ATL2: variants seen among roughly 807,000 people sequenced by gnomAD.
The protein encoded by ATL2 is atlastin GTPase 2, also known as atlastin-2.
ATL2 carries 31 observed loss-of-function variants against 73.9 expected under a neutral mutation model. The observed-to-expected ratio is 0.42, with a 90% CI of 0.32 to 0.57. ATL2 has a LOEUF of 0.57. Ranked by LOEUF, ATL2 falls within the 20% of genes least tolerant of loss-of-function variation. ATL2 has a pLI of 0.14. For missense variants in ATL2, 738 were observed against 702.6 expected, an observed-to-expected ratio of 1.05 and a Z score of -0.57; for synonymous variants, 291 against 237.5, an observed-to-expected ratio of 1.23 and a Z score of -2.07.
chr2:38,318,766 CATA>C, intron 3 of ATL2, 116 bp downstream of exon 3: 1 of 1,337,894 alleles, frequency 7.5e-7, no homozygotes, highest in Non-Finnish European at 1.0e-6. Flanking sequence ...ATACATTTGA[CATA>C]ATAATCCGTA....
intron 1 of ATL2, among the ~76,000 whole-genome samples, chr2:38,364,671 C>T (rs187518834): frequency 2.6e-5 from 4 of 152,172 alleles, no homozygotes; most frequent in Non-Finnish European, 4.4e-5. Flanking sequence ...TTGTAGCACA[C>T]GGATCAAGAA....
intron 2 of ATL2, among the ~76,000 whole-genome samples, chr2:38,321,777 A>G (rs1668334927): frequency 6.6e-6 from 1 of 152,010 alleles, no homozygotes. Flanking sequence ...CAGTGGCACA[A>G]TCAGAACTCA....
chr2:38,330,434 G>A (rs889457723), intron 2 of ATL2, among the ~76,000 whole-genome samples: 1 of 152,058 alleles, frequency 6.6e-6, no homozygotes, highest in Non-Finnish European at 1.5e-5. Context: ...AGAAATAAAA[G>A]GTTCCCAGGT....
At chr2:38,372,881 T>C (rs769043000) in intron 1 of ATL2, among the ~76,000 whole-genome samples, 2 of 152,186 alleles carry the variant, frequency 1.3e-5, no homozygotes, top group Non-Finnish European at 2.9e-5. Flanking sequence ...CAGCTAAAAT[T>C]TAAAACTTGC....
rs60173549 is a variant in ATL2, at chr2:38,294,654, G to C, written c.*1340C>G. Among the ~76,000 whole-genome samples the C allele has an allele frequency of 6.9e-6, 1 of 145,922 alleles. No individual in the cohort carries two copies. The highest frequency in any genetic ancestry group is 1.5e-5 in the Non-Finnish European group (1 of 66,054). On this transcript the variant is annotated 3_prime_UTR_variant, in exon 13 of 13. Transcript: ENST00000378954. Reference sequence around the variant, plus strand: ...ACATATACCACCAAAAAAAAAAAAAGAGAGAGAAAGAAATTAACAATCCCC... The same window carrying C: ...ACATATACCACCAAAAAAAAAAAAACAGAGAGAAAGAAATTAACAATCCCC...
Position 38,299,377 on chromosome 2 carries a change from A to C in ATL2, c.1129-50T>G, listed in dbSNP as rs368201233. The C allele has an allele frequency of 6.2e-5, 92 of 1,485,198 alleles. No homozygotes were observed. The African/African-American group carries it at 6.7e-4, about 11-fold the overall frequency. 92.0% of individuals were successfully genotyped at this position (1,485,198 alleles called of 1,614,324 possible). ...TATGCAAAAAATACTCTATGACTCTAAAAATTCTGATTAACACAATAAGTT... is the reference window on the plus strand; with the variant it reads ...TATGCAAAAAATACTCTATGACTCTCAAAATTCTGATTAACACAATAAGTT... On this transcript the variant is annotated intron_variant, in intron 10 of 12. Transcript: ENST00000378954.
At chr2:38,372,121 T>C (rs1052759386) in intron 1 of ATL2, among the ~76,000 whole-genome samples, 11 of 115,242 alleles carry the variant, frequency 9.5e-5, no homozygotes, top group African/African-American at 2.3e-4. Context: ...TTCATGTTAA[T>C]TGTTTTTTTT....
At chr2:38,322,265 G>C (rs1014278024) in intron 2 of ATL2, among the ~76,000 whole-genome samples, 1 of 151,656 alleles carries the variant, frequency 6.6e-6, no homozygotes, top group Non-Finnish European at 1.5e-5. Flanking sequence ...ATTCCTCTAA[G>C]AGAACTCTGG....
rs114867851 is a variant in ATL2, at chr2:38,335,344, G to A, written c.363+7924C>T. 1.6e-3 allele frequency among the ~76,000 whole-genome samples: 247 copies of A among 152,244 alleles called. 1 individual carries two copies. The highest frequency in any genetic ancestry group is 5.6e-3 in the African/African-American group (231 of 41,540). On this transcript the variant is annotated intron_variant, in intron 2 of 12. Coordinates refer to ENST00000378954, the MANE Select transcript of ATL2 (RefSeq NM_001135673.4). Reference sequence around the variant, plus strand: ...ACAGAAAAAAACTAGAAACCCATATGTCTATCAGTAGAAAGGGTAAATTAT... The same window carrying A: ...ACAGAAAAAAACTAGAAACCCATATATCTATCAGTAGAAAGGGTAAATTAT...
At chr2:38,320,525 T>C (rs915162939) in intron 2 of ATL2, among the ~76,000 whole-genome samples, 7 of 152,198 alleles carry the variant, frequency 4.6e-5, no homozygotes, top group Non-Finnish European at 8.8e-5. Context: ...ACCACAGGGC[T>C]AAATTGTTAT....
rs1669214181 is a variant in ATL2 at position 38,334,856 on chromosome 2, T to TATA, written c.363+8411_363+8412insTAT. On this transcript the variant is annotated intron_variant, in intron 2 of 12. Coordinates refer to ENST00000378954, the MANE Select transcript of ATL2 (RefSeq NM_001135673.4). Reference sequence around the variant, plus strand: ...TTATAGTTATAATTTATATTCAATATTTATATATTATATAATATATATTAT... The same window carrying TATA: ...TTATAGTTATAATTTATATTCAATATATATTATATATTATATAATATATATTAT... Among the ~76,000 whole-genome samples the TATA allele has an allele frequency of 1.1e-4, 5 of 44,130 alleles. No individual in the cohort carries two copies. The East Asian group carries it at 6.6e-3, about 58-fold the overall frequency. The allele number at this position is 44,130 out of a possible 152,430, so 29.0% of individuals were successfully genotyped here. A position where few individuals can be genotyped will look rare whatever the true frequency, so the allele number is the denominator to read the frequency against.
rs1668586647 is a variant in ATL2, at chr2:38,325,687, C to T, written c.364-6668G>A. ...ACACACACACACACACACACACACA[C>T]ACACACACCAGTACACACACACACA... On this transcript the variant is annotated intron_variant, in intron 2 of 12. Coordinates refer to ENST00000378954, the MANE Select transcript of ATL2 (RefSeq NM_001135673.4). Among the ~76,000 whole-genome samples the T allele has an allele frequency of 7.9e-5, 6 of 75,582 alleles. 1 individual carries two copies. The highest frequency in any genetic ancestry group is 6.6e-5 in the Non-Finnish European group (3 of 45,560). The allele number at this position is 75,582 out of a possible 152,430, so 49.6% of individuals were successfully genotyped here. A position where few individuals can be genotyped will look rare whatever the true frequency, so the allele number is the denominator to read the frequency against.
chr2:38,329,110 A>G (rs1668831110), intron 2 of ATL2, among the ~76,000 whole-genome samples: 1 of 150,142 alleles, frequency 6.7e-6, no homozygotes, highest in South Asian at 2.1e-4. Context: ...CACAAGGAGA[A>G]CTAGATCATC....
At chr2:38,375,769 C>T (rs1044892434) in intron 1 of ATL2, among the ~76,000 whole-genome samples, 1 of 152,172 alleles carries the variant, frequency 6.6e-6, no homozygotes, top group African/African-American at 2.4e-5. Flanking sequence ...ACATCTAAGG[C>T]GAAGCTGCTT....
chr2:38,324,912 A>T (rs1420867525), intron 2 of ATL2, among the ~76,000 whole-genome samples: 1 of 152,226 alleles, frequency 6.6e-6, no homozygotes, highest in African/African-American at 2.4e-5. Context: ...TTTAATGGGC[A>T]CAGAGCTTCA....
intron 2 of ATL2, among the ~76,000 whole-genome samples, chr2:38,328,138 A>C (rs1463518704): frequency 6.6e-6 from 1 of 152,202 alleles, no homozygotes; most frequent in African/African-American, 2.4e-5. Flanking sequence ...GGAAACATAA[A>C]AACCACTTCA....
At chr2:38,308,892 C>T (rs904331627) in intron 9 of ATL2, among the ~76,000 whole-genome samples, 1 of 151,506 alleles carries the variant, frequency 6.6e-6, no homozygotes, top group Non-Finnish European at 1.5e-5. Flanking sequence ...CCTTCCACAG[C>T]GGTCTTGTTC....
intron 1 of ATL2, chr2:38,354,218 T>A (rs1277799786): frequency 1.7e-5 from 7 of 417,478 alleles, no homozygotes; most frequent in Admixed American, 2.8e-5. Flanking sequence ...CATTAGCAGA[T>A]GTGCATTACA....
At chr2:38,303,354 C>T (rs917385066) in intron 9 of ATL2, among the ~76,000 whole-genome samples, 4 of 151,990 alleles carry the variant, frequency 2.6e-5, no homozygotes, top group African/African-American at 4.8e-5. Context: ...TACACGCGTG[C>T]GCCATCATGC....
Sources: allele counts gnomAD v4.1 joint callset (sites outside exome capture counted in the v4.1 genomes callset), GRCh38; gene constraint gnomAD v4.1.1; transcripts MANE v1.5; gene names NCBI Gene and HGNC (gene_info 2026-07-23, HGNC 2026-07-21).